The following BCAS1 variants were observed in gnomAD, a reference collection of about 807,000 sequenced individuals.
BCAS1 encodes the protein breast carcinoma-amplified sequence 1.
BCAS1 carries 46 observed loss-of-function variants against 65.4 expected under a neutral mutation model. The ratio of observed to expected loss-of-function variants is 0.70; its 90% CI spans 0.55 to 0.90. The LOEUF (loss-of-function observed/expected upper bound fraction) is 0.90. Among genes scored for constraint, BCAS1 ranks in the 40% least tolerant of loss-of-function variants. The probability of loss-of-function intolerance (pLI) is 0.00; values close to 1 mark genes in which losing one functional copy is unlikely to be tolerated. For missense variants in BCAS1, 793 were observed against 771.2 expected, an observed-to-expected ratio of 1.03 and a Z score of -0.33; for synonymous variants, 298 against 293.5, an observed-to-expected ratio of 1.02 and a Z score of -0.16.
intron 3 of BCAS1, among the ~76,000 whole-genome samples, chr20:54,055,437 A>C (rs2092282858): frequency 6.6e-6 from 1 of 152,136 alleles, no homozygotes; most frequent in Non-Finnish European, 1.5e-5. Flanking sequence ...ATGATGCAAA[A>C]GTGGAAACCT....
intron 7 of BCAS1, among the ~76,000 whole-genome samples, chr20:53,987,670 T>A (rs2090648318): frequency 6.6e-6 from 1 of 152,090 alleles, no homozygotes; most frequent in African/African-American, 2.4e-5. Flanking sequence ...AAATGTAAAA[T>A]TTCAACTGTA....
rs113694865 is a variant in BCAS1, at chr20:53,966,494, G to A, written c.1485+412C>T. ...GACTCAGGGGAGAAGGTTGGGAGAA[G>A]GGTGAGGGATAAAAGACTGCATACT... On this transcript the variant is annotated intron_variant, in intron 10 of 12. Transcript: ENST00000688948. Among the ~76,000 whole-genome samples the A allele has an allele frequency of 6.9e-4, 105 of 152,278 alleles. 1 individual carries two copies. The highest frequency in any genetic ancestry group is 2.0e-3 in the African/African-American group (83 of 41,554).
At chr20:53,971,702 G>A (rs1046608618) in intron 9 of BCAS1, among the ~76,000 whole-genome samples, 1 of 152,206 alleles carries the variant, frequency 6.6e-6, no homozygotes, top group East Asian at 1.9e-4. Flanking sequence ...AGTAATGAGA[G>A]CCAGTAAAGG....
intron 3 of BCAS1, chr20:54,029,335 C>G: frequency 1.6e-6 from 1 of 638,546 alleles, no homozygotes; most frequent in Non-Finnish European, 1.9e-6. Context: ...AGCTTGGGTT[C>G]TGGAGCTAGA....
chr20:54,008,307 A>G (rs572409344), intron 4 of BCAS1, among the ~76,000 whole-genome samples: 17 of 152,302 alleles, frequency 1.1e-4, no homozygotes, highest in African/African-American at 4.1e-4. Flanking sequence ...CCTCCCCACC[A>G]TGGTGTCCGC....
chr20:54,047,534 C>T (rs2092131320), intron 3 of BCAS1, among the ~76,000 whole-genome samples: 1 of 152,206 alleles, frequency 6.6e-6, no homozygotes, highest in Admixed American at 6.5e-5. Flanking sequence ...AGGGCTCTTG[C>T]TCACTCCCAA....
At position 53,967,076 on chromosome 20, in the gene BCAS1, G is replaced by T; in HGVS notation, c.1318-3C>A. 1 of 1,597,864 alleles carries T rather than the reference G, an allele frequency of 6.3e-7. No homozygotes were observed. Among genetic ancestry groups the T allele is most frequent in the South Asian group, 1.2e-5 (1 of 86,650 alleles). ...TCTACTGGTGACTCACACACCACCTGGATTATTTTGCCAGGTAATAAGAAA... is the reference window on the plus strand; with the variant it reads ...TCTACTGGTGACTCACACACCACCTTGATTATTTTGCCAGGTAATAAGAAA... On this transcript the variant is annotated splice_region_variant and splice_polypyrimidine_tract_variant and intron_variant, in intron 9 of 12. Coordinates refer to ENST00000688948, the MANE Select transcript of BCAS1 (RefSeq NM_001366298.2).
chr20:54,048,067 C>T (rs1177342102), intron 3 of BCAS1, among the ~76,000 whole-genome samples: 1 of 152,114 alleles, frequency 6.6e-6, no homozygotes, highest in Non-Finnish European at 1.5e-5. Flanking sequence ...TCCCCGCCTC[C>T]AGACCCTATT....
intron 4 of BCAS1, among the ~76,000 whole-genome samples, chr20:53,997,880 G>A (rs928570331): frequency 1.3e-5 from 2 of 152,112 alleles, no homozygotes; most frequent in Non-Finnish European, 2.9e-5. Context: ...GTTGAGCATC[G>A]TCTTCACTCT....
Position 53,953,667 on chromosome 20 carries a change from G to A in BCAS1, c.1580C>T (p.Thr527Ile). The change falls in exon 12 of 13, where the codon ACA becomes ATA. Residue 527 changes from threonine to isoleucine, a missense_variant. By Grantham distance (89) the Thr-to-Ile change is moderately conservative (BLOSUM62 -1). Coordinates refer to ENST00000688948, the MANE Select transcript of BCAS1 (RefSeq NM_001366298.2). ...TCCTGTTGGTTCAGGCTCTGGCGGT[G>A]TGATAGTCTTTTCTGTGGAGTCTGA... ...QTSDSTEKTI[T>I]PPEPEPTGAP... 3 of 1,613,812 alleles carry A rather than the reference G, an allele frequency of 1.9e-6. No individual in the cohort carries two copies. The South Asian group carries it at 3.3e-5, about 18-fold the overall frequency.
chr20:53,992,741 C>A, intron 6 of BCAS1, 95 bp from the exon 7 acceptor site: 1 of 1,202,680 alleles, frequency 8.3e-7, no homozygotes. Flanking sequence ...TACGCTGTGA[C>A]AATTAACTGT....
At chr20:54,022,721 G>T (rs1442114213) in intron 4 of BCAS1, among the ~76,000 whole-genome samples, 1 of 152,160 alleles carries the variant, frequency 6.6e-6, no homozygotes, top group Non-Finnish European at 1.5e-5. Flanking sequence ...AATAAAAACA[G>T]ATAATGTATG....
intron 3 of BCAS1, among the ~76,000 whole-genome samples, chr20:54,053,908 C>G (rs2092257523): frequency 6.6e-6 from 1 of 152,174 alleles, no homozygotes; most frequent in Non-Finnish European, 1.5e-5. Flanking sequence ...TGGTATTAGT[C>G]TGTTCTCAGG....
chr20:54,048,062 G>T (rs970032367), intron 3 of BCAS1, among the ~76,000 whole-genome samples: 1 of 152,152 alleles, frequency 6.6e-6, no homozygotes, highest in African/African-American at 2.4e-5. Flanking sequence ...TAGCTTCCCC[G>T]CCTCCAGACC....
At chr20:54,050,452 A>G (rs946585110) in intron 3 of BCAS1, among the ~76,000 whole-genome samples, 2 of 152,192 alleles carry the variant, frequency 1.3e-5, no homozygotes, top group African/African-American at 4.8e-5. Context: ...TGCACTCCCT[A>G]GTGTATGCAC....
chr20:53,974,991 T>A (rs1241353742), intron 9 of BCAS1, among the ~76,000 whole-genome samples: 1 of 152,152 alleles, frequency 6.6e-6, no homozygotes, highest in Non-Finnish European at 1.5e-5. Context: ...CTGCCCTGGG[T>A]ACCGCCCAAA....
intron 7 of BCAS1, among the ~76,000 whole-genome samples, chr20:53,988,541 T>C (rs902902154): frequency 6.6e-6 from 1 of 152,232 alleles, no homozygotes; most frequent in African/African-American, 2.4e-5. Flanking sequence ...TAGTTTTACA[T>C]ATTTTCGGGG....
chr20:53,956,223 G>C (rs886105968), intron 11 of BCAS1, among the ~76,000 whole-genome samples: 2 of 152,184 alleles, frequency 1.3e-5, no homozygotes, highest in Non-Finnish European at 2.9e-5. Flanking sequence ...GGCATAGGGT[G>C]GGGCCCTGCC....
intron 10 of BCAS1, 39 bp from the exon 11 acceptor site, chr20:53,957,536 A>G (rs371071081): frequency 1.4e-4 from 222 of 1,573,734 alleles, no homozygotes; most frequent in Non-Finnish European, 1.9e-4. Context: ...AGCCACAAGT[A>G]CAGTGACGTG....
Sources: gnomAD v4.1 joint callset for allele counts (sites outside exome capture counted in the v4.1 genomes callset) on GRCh38, gnomAD v4.1.1 for gene constraint, MANE v1.5 for transcripts, NCBI Gene and HGNC (gene_info 2026-07-23, HGNC 2026-07-21) for gene names.